MARCHF6: variants seen among roughly 807,000 people sequenced by gnomAD.
MARCHF6 encodes membrane associated ring-CH-type finger 6, also known as E3 ubiquitin-protein ligase MARCHF6.
MARCHF6 carries 31 observed loss-of-function variants against 133.7 expected under a neutral mutation model. The observed-to-expected ratio is 0.23, with a 90% confidence interval of 0.17 to 0.31. MARCHF6 has a LOEUF of 0.31. Ranked by LOEUF, MARCHF6 falls within the 10% of genes least tolerant of loss-of-function variation. The pLI is 1.00. For synonymous variants in MARCHF6, 395 were observed against 402.5 expected (o/e 0.98, Z 0.22); for missense variants, 723 against 1,121.6 (o/e 0.64, Z 5.08).
chr5:10,391,595 C>A lies in MARCHF6; in HGVS notation c.630C>A (p.Asn210Lys). The change falls in exon 7 of 26, where the codon AAC becomes AAA. Residue 210 changes from asparagine to lysine, a missense_variant. Coordinates refer to ENST00000274140, the MANE Select transcript of MARCHF6 (RefSeq NM_005885.4). ...ATGTTGCTGCTGATCAGCCTGCTAA[C>A]CCACCAGCTGAGAACGCAGTGGTGG... is the stretch of plus-strand genomic sequence containing the variant. ...AENVAADQPA[N>K]PPAENAVVGE... is the part of the protein sequence containing the mutation. 6.2e-7 allele frequency: 1 copy of A among 1,612,996 alleles called. No individual in the cohort carries two copies. The highest frequency in any genetic ancestry group is 8.5e-7 in the Non-Finnish European group (1 of 1,179,520).
intron 20 of MARCHF6, 108 bp downstream of exon 20, chr5:10,414,610 A>G: frequency 1.2e-6 from 1 of 829,186 alleles, no homozygotes; most frequent in Non-Finnish European, 1.9e-6. Context: ...TAGTATGATC[A>G]TAGCTTACTG....
intron 17 of MARCHF6, among the ~76,000 whole-genome samples, chr5:10,409,392 G>A (rs935044229): frequency 6.6e-6 from 1 of 152,206 alleles, no homozygotes; most frequent in African/African-American, 2.4e-5. Flanking sequence ...GAGCCACGTG[G>A]ATCCCTGAAG....
intron 5 of MARCHF6, among the ~76,000 whole-genome samples, chr5:10,387,449 C>T (rs1737550267): frequency 6.6e-6 from 1 of 151,886 alleles, no homozygotes; most frequent in Admixed American, 6.6e-5. Context: ...ATTACAGGCA[C>T]TCGCCAGCAT....
At chr5:10,386,479 A>G (rs1737489300) in intron 4 of MARCHF6, among the ~76,000 whole-genome samples, 1 of 152,210 alleles carries the variant, frequency 6.6e-6, no homozygotes, top group Non-Finnish European at 1.5e-5. Context: ...ATTTAGAATA[A>G]TTATATTCTG....
chr5:10,430,066 T>G, intron 25 of MARCHF6, 38 bp downstream of exon 25: 5 of 1,579,342 alleles, frequency 3.2e-6, no homozygotes, highest in Non-Finnish European at 3.5e-6. Context: ...GTTTAAGTGT[T>G]TTCACTTCTT....
chr5:10,353,728 T>C lies in MARCHF6; in HGVS notation c.-171T>C, dbSNP rs1483113592. On this transcript the variant is annotated 5_prime_UTR_variant, in exon 1 of 26. Transcript: ENST00000274140. ...CCCTCCCCCTCCCGTGTCGCTCGCT[T>C]TCTGTCAGCCTCTCTCCCTCTCCCT... 2 of 286,726 alleles carry C rather than the reference T, an allele frequency of 7.0e-6. No homozygotes were observed. Among genetic ancestry groups the C allele is most frequent in the African/African-American group, 2.3e-5 (1 of 43,310 alleles). 17.8% of individuals were successfully genotyped at this position (286,726 alleles called of 1,614,324 possible).
chr5:10,381,128 G>T (rs1331558092), intron 3 of MARCHF6, among the ~76,000 whole-genome samples: 1 of 152,164 alleles, frequency 6.6e-6, no homozygotes, highest in Non-Finnish European at 1.5e-5. Flanking sequence ...TGTGGTAGAG[G>T]TTTTTGATAA....
chr5:10,395,078 C>T (rs572255735), intron 9 of MARCHF6, among the ~76,000 whole-genome samples: 8 of 152,272 alleles, frequency 5.3e-5, no homozygotes, highest in Middle Eastern at 3.4e-3. Context: ...GGATTACAGG[C>T]GTGAGCCACC....
chr5:10,416,714 T>C (rs978626910), intron 21 of MARCHF6, among the ~76,000 whole-genome samples: 20 of 152,234 alleles, frequency 1.3e-4, no homozygotes, highest in African/African-American at 4.8e-4. Flanking sequence ...TCTTTTATAA[T>C]GTCTCCTCTC....
Position 10,353,872 on chromosome 5 carries a change from T to C in MARCHF6, c.-27T>C. 5.1e-6 allele frequency: 8 copies of C among 1,559,038 alleles called. No homozygotes were observed. Among genetic ancestry groups the C allele is most frequent in the Non-Finnish European group, 6.1e-6 (7 of 1,156,562 alleles). On this transcript the variant is annotated 5_prime_UTR_variant, in exon 1 of 26. Transcript: ENST00000274140. The stretch of plus-strand genomic sequence containing the variant: ...CGCCCGGCCGCGGGAGCCTCGTGGC[T>C]GCGTCACCGCCGCCCCCCCAGACAA...
At chr5:10,375,243 G>C (rs1301588001) in intron 1 of MARCHF6, among the ~76,000 whole-genome samples, 3 of 152,226 alleles carry the variant, frequency 2.0e-5, no homozygotes, top group African/African-American at 7.2e-5. Context: ...TGGTGGGCCT[G>C]CACTCGGAGC....
chr5:10,391,390 C>G, intron 6 of MARCHF6, 152 bp from the exon 7 acceptor site: 1 of 564,214 alleles, frequency 1.8e-6, no homozygotes, highest in East Asian at 3.4e-5. Flanking sequence ...GCCTCAGCCT[C>G]CCAAAGTGCT....
At position 10,381,788 on chromosome 5, in the gene MARCHF6, T is replaced by G; in HGVS notation, c.191-12T>G. ...CTTCATGAAACTGTAAGTACTTTTTTTCCGCTTATAGTTTATTCTCCAGAT... is the reference window on the plus strand; with the variant it reads ...CTTCATGAAACTGTAAGTACTTTTTGTCCGCTTATAGTTTATTCTCCAGAT... On this transcript the variant is annotated splice_polypyrimidine_tract_variant and intron_variant, in intron 3 of 25. Coordinates refer to ENST00000274140, the MANE Select transcript of MARCHF6 (RefSeq NM_005885.4). 3 of 1,570,528 alleles carry G rather than the reference T, an allele frequency of 1.9e-6. No individual in the cohort carries two copies. Among genetic ancestry groups the G allele is most frequent in the Non-Finnish European group, 2.6e-6 (3 of 1,162,758 alleles).
At chr5:10,397,478 A>G in intron 10 of MARCHF6, 134 bp downstream of exon 10, 1 of 633,644 alleles carries the variant, frequency 1.6e-6, no homozygotes. Context: ...ATAGTTTCAG[A>G]TACAAACCCT....
chr5:10,376,165 A>G (rs972735886), intron 1 of MARCHF6, among the ~76,000 whole-genome samples: 4 of 152,110 alleles, frequency 2.6e-5, no homozygotes, highest in African/African-American at 7.2e-5. Flanking sequence ...CACTTTTTGC[A>G]ATAAATCTTG....
intron 21 of MARCHF6, among the ~76,000 whole-genome samples, chr5:10,416,162 A>T (rs893809917): frequency 6.6e-6 from 1 of 152,210 alleles, no homozygotes; most frequent in Non-Finnish European, 1.5e-5. Context: ...TCAGTAACAC[A>T]TATGACTCCC....
intron 20 of MARCHF6, 24 bp downstream of exon 20, chr5:10,414,526 G>C (rs752531161): frequency 6.4e-7 from 1 of 1,566,010 alleles, no homozygotes; most frequent in Admixed American, 1.7e-5. Flanking sequence ...CTAGCCTTCA[G>C]CTAATAGCAT....
At chr5:10,363,927 G>C (rs1735974092) in intron 1 of MARCHF6, among the ~76,000 whole-genome samples, 1 of 152,190 alleles carries the variant, frequency 6.6e-6, no homozygotes, top group African/African-American at 2.4e-5. Context: ...AGAGAAATTA[G>C]TGGTTGTCTG....
intron 21 of MARCHF6, among the ~76,000 whole-genome samples, 190 bp from the exon 22 acceptor site, chr5:10,417,080 G>C (rs1226550972): frequency 1.3e-5 from 2 of 152,202 alleles, no homozygotes; most frequent in Admixed American, 6.5e-5. Context: ...AAACAGCCCA[G>C]CCAGCTGTGT....
Sources: allele counts gnomAD v4.1 joint callset (sites outside exome capture counted in the v4.1 genomes callset), GRCh38; gene constraint gnomAD v4.1.1; transcripts MANE v1.5; gene names NCBI Gene and HGNC (gene_info 2026-07-23, HGNC 2026-07-21).